SHISA9: variants seen among roughly 807,000 people sequenced by gnomAD.
SHISA9 encodes shisa family member 9.
A neutral mutation model predicts 38.0 loss-of-function variants in SHISA9; 13 were observed. The ratio of observed to expected loss-of-function variants is 0.34; its 90% CI spans 0.22 to 0.54. The LOEUF is 0.54. SHISA9 is among the 20% of genes least tolerant of loss of function. The probability of loss-of-function intolerance (pLI) is 0.91; values close to 1 mark genes in which losing one functional copy is unlikely to be tolerated. For synonymous variants in SHISA9, 275 were observed against 242.0 expected, an observed-to-expected ratio of 1.14 and a Z score of -1.27; for missense variants, 538 against 575.8, an observed-to-expected ratio of 0.93 and a Z score of 0.67.
chr16:13,507,673 G>T, the SHISA9 span, among the ~76,000 whole-genome samples: 1 of 152,270 alleles, frequency 6.6e-6, no homozygotes, highest in East Asian at 1.9e-4. Flanking sequence ...GCTTTGTTTT[G>T]CAACAGGAAG....
chr16:13,483,816 G>A, the SHISA9 span, among the ~76,000 whole-genome samples: 3 of 152,178 alleles, frequency 2.0e-5, no homozygotes, highest in African/African-American at 7.2e-5. Context: ...TCCCCAGGGA[G>A]AGCATGGAAG....
intron 2 of SHISA9, among the ~76,000 whole-genome samples, chr16:13,059,288 T>C (rs541058589): frequency 1.3e-5 from 2 of 152,030 alleles, no homozygotes; most frequent in African/African-American, 2.4e-5. Context: ...CCACCATGCC[T>C]GGCTAATTTT....
At chr16:13,490,706 G>C in the SHISA9 span, among the ~76,000 whole-genome samples, 1 of 152,190 alleles carries the variant, frequency 6.6e-6, no homozygotes, top group Non-Finnish European at 1.5e-5. Flanking sequence ...ATCCACTCGA[G>C]CTCTTTGGGA....
the SHISA9 span, among the ~76,000 whole-genome samples, chr16:13,337,353 C>T: frequency 3.3e-5 from 5 of 152,134 alleles, no homozygotes; most frequent in East Asian, 7.7e-4. Flanking sequence ...TTTCCCTTGG[C>T]TCTCATTCTT....
At chr16:13,377,368 T>C in the SHISA9 span, among the ~76,000 whole-genome samples, 1 of 152,344 alleles carries the variant, frequency 6.6e-6, no homozygotes, top group Middle Eastern at 3.4e-3. Flanking sequence ...TTTTATCATG[T>C]TTCCAGATGC....
intron 2 of SHISA9, among the ~76,000 whole-genome samples, chr16:13,066,626 A>C (rs1327594809): frequency 6.6e-6 from 1 of 152,212 alleles, no homozygotes; most frequent in African/African-American, 2.4e-5. Context: ...TATCTGTAAA[A>C]TGGGAATATT....
At position 13,201,643 on chromosome 16, in the gene SHISA9, G is replaced by A. The variant is rs189778346; in HGVS notation, c.692-1751G>A. ...TGGCCCTTTACAGAAAAAGTTTCCC[G>A]ACTCCTACTCTAAACTTGTCCCAGT... On this transcript the variant is annotated intron_variant, in intron 2 of 4. Transcript: ENST00000558583. Among the ~76,000 whole-genome samples the A allele has an allele frequency of 2.3e-3, 299 of 131,360 alleles. 70 individuals carry two copies. Among genetic ancestry groups the A allele is most frequent in the African/African-American group, 8.5e-3 (282 of 33,046 alleles). The allele number at this position is 131,360 out of a possible 152,430, so 86.2% of individuals were successfully genotyped here.
At chr16:13,149,547 C>T (rs1472202684) in intron 2 of SHISA9, among the ~76,000 whole-genome samples, 1 of 152,168 alleles carries the variant, frequency 6.6e-6, no homozygotes, top group Non-Finnish European at 1.5e-5. Flanking sequence ...GCTCTACTAG[C>T]TCCTTGACCC....
intron 2 of SHISA9, among the ~76,000 whole-genome samples, chr16:12,984,030 G>C (rs1250850912): frequency 6.6e-6 from 1 of 152,002 alleles, no homozygotes; most frequent in Non-Finnish European, 1.5e-5. Flanking sequence ...GTAAATACTT[G>C]CTTCTTAACA....
At chr16:13,382,173 C>T in the SHISA9 span, among the ~76,000 whole-genome samples, 1 of 152,134 alleles carries the variant, frequency 6.6e-6, no homozygotes, top group South Asian at 2.1e-4. Context: ...AGCATTTCTA[C>T]AATGAAGAAT....
chr16:13,388,736 C>T, the SHISA9 span, among the ~76,000 whole-genome samples: 15 of 151,984 alleles, frequency 9.9e-5, no homozygotes, highest in East Asian at 5.8e-4. Flanking sequence ...TCTGGCACAT[C>T]GTAGATGTTC....
At chr16:13,401,775 G>A in the SHISA9 span, among the ~76,000 whole-genome samples, 4 of 152,152 alleles carry the variant, frequency 2.6e-5, no homozygotes, top group African/African-American at 9.7e-5. Context: ...ATACTGCTAT[G>A]GAGAAATGCC....
intron 2 of SHISA9, among the ~76,000 whole-genome samples, chr16:12,948,149 A>T (rs911538650): frequency 6.6e-6 from 1 of 152,216 alleles, no homozygotes; most frequent in Non-Finnish European, 1.5e-5. Context: ...TATGATATCT[A>T]TGCCATTAGC....
the SHISA9 span, among the ~76,000 whole-genome samples, chr16:13,416,762 GGAAGGAAGGAAGGGAA>G: frequency 8.8e-6 from 1 of 113,686 alleles, no homozygotes; most frequent in African/African-American, 3.2e-5. Context: ...AAGGAAGGAA[GGAAGGAAGGAAGGGAA>G]GGAAGGAAGG....
At chr16:13,058,572 G>A (rs1236005884) in intron 2 of SHISA9, among the ~76,000 whole-genome samples, 2 of 152,196 alleles carry the variant, frequency 1.3e-5, no homozygotes, top group Non-Finnish European at 2.9e-5. Flanking sequence ...TGCTGAGAAG[G>A]GGTGGAGCTC....
the SHISA9 span, among the ~76,000 whole-genome samples, chr16:13,532,160 C>A: frequency 4.6e-5 from 7 of 152,202 alleles, no homozygotes; most frequent in African/African-American, 1.7e-4. Flanking sequence ...ACCAACTTAT[C>A]CCTGCTCTGA....
At chr16:12,958,722 A>G (rs2071868618) in intron 2 of SHISA9, among the ~76,000 whole-genome samples, 1 of 152,228 alleles carries the variant, frequency 6.6e-6, no homozygotes, top group African/African-American at 2.4e-5. Flanking sequence ...CTGGGAAGAT[A>G]TGAATGTATC....
At chr16:13,443,389 C>A in the SHISA9 span, among the ~76,000 whole-genome samples, 1 of 152,124 alleles carries the variant, frequency 6.6e-6, no homozygotes, top group Non-Finnish European at 1.5e-5. Flanking sequence ...TGGCTTCTTA[C>A]TGAAAGACTT....
intron 2 of SHISA9, among the ~76,000 whole-genome samples, chr16:13,023,954 G>A (rs1254421797): frequency 6.6e-6 from 1 of 152,220 alleles, no homozygotes; most frequent in African/African-American, 2.4e-5. Flanking sequence ...ACAACACATT[G>A]TAGGATATGA....
Sources: allele counts gnomAD v4.1 joint callset (sites outside exome capture counted in the v4.1 genomes callset), GRCh38; gene constraint gnomAD v4.1.1; transcripts MANE v1.5; gene names NCBI Gene and HGNC (gene_info 2026-07-23, HGNC 2026-07-21).